The following CPA1 variants were observed in gnomAD, a reference collection of about 807,000 sequenced individuals.
CPA1 encodes carboxypeptidase A1.
CPA1 carries 42 observed loss-of-function variants against 48.7 expected under a neutral mutation model. That is an observed-to-expected ratio of 0.86 (90% CI 0.67 to 1.11). CPA1 has a LOEUF of 1.11. CPA1 is among the 50% of genes most tolerant of loss of function. CPA1 has a pLI of 0.00. For synonymous variants in CPA1, 203 were observed against 217.9 expected, an observed-to-expected ratio of 0.93 and a Z score of 0.60; for missense variants, 477 against 544.7, an observed-to-expected ratio of 0.88 and a Z score of 1.24.
intron 4 of CPA1, among the ~76,000 whole-genome samples, chr7:130,382,619 A>C (rs1211168768): frequency 5.2e-5 from 7 of 135,186 alleles, no homozygotes; most frequent in Admixed American, 1.6e-4. Context: ...ACGTGCCACC[A>C]TGCCCGGGTA....
intron 2 of CPA1, 39 bp downstream of exon 2, chr7:130,381,218 T>TA (rs782671976): frequency 1.3e-6 from 2 of 1,499,148 alleles, no homozygotes; most frequent in East Asian, 4.6e-5. Flanking sequence ...GGCCCCAGGG[T>TA]ATCAGCTGGG....
chr7:130,381,841 C>T lies in CPA1; in HGVS notation c.359C>T (p.Ala120Val). The change falls in exon 3 of 10, where the codon GCC becomes GTC. Residue 120 changes from alanine to valine, a missense_variant. Physicochemically the swap from Ala to Val is moderately conservative, Grantham distance 64. Coordinates refer to ENST00000011292, the MANE Select transcript of CPA1 (RefSeq NM_001868.4). The stretch of plus-strand genomic sequence containing the variant: ...CGCTCCACCGACACTTTTAACTACG[C>T]CACCTACCACACCCTGGAGGAGGTG... ...RARSTDTFNY[A>V]TYHTLEEIYD... 1.9e-6 allele frequency: 3 copies of T among 1,613,940 alleles called. No homozygotes were observed. Among genetic ancestry groups the T allele is most frequent in the South Asian group, 2.2e-5 (2 of 91,088 alleles).
intron 1 of CPA1, 196 bp from the exon 2 acceptor site, chr7:130,380,902 T>TAA (rs1163491914): frequency 4.9e-6 from 3 of 612,324 alleles, no homozygotes; most frequent in Non-Finnish European, 8.9e-6. Context: ...TAGAAGTTTC[T>TAA]AAAGATGGGG....
At chr7:130,381,942 C>T (rs1216014023) in intron 3 of CPA1, 79 bp downstream of exon 3, 1 of 1,385,024 alleles carries the variant, frequency 7.2e-7, no homozygotes, top group Non-Finnish European at 1.0e-6. Context: ...GGGCCAAGGC[C>T]AGGGCCAGCC....
intron 6 of CPA1, chr7:130,384,070 C>A: frequency 2.0e-6 from 1 of 508,772 alleles, no homozygotes; most frequent in Non-Finnish European, 3.5e-6. Context: ...TGGTGACAAC[C>A]AAAATGTCTT....
At chr7:130,386,315 G>A (rs1771090989) in intron 9 of CPA1, among the ~76,000 whole-genome samples, 1 of 151,960 alleles carries the variant, frequency 6.6e-6, no homozygotes, top group African/African-American at 2.4e-5. Flanking sequence ...GGCGGATCAC[G>A]AGGTCAGGAG....
Position 130,387,825 on chromosome 7 carries a change from T to C in CPA1, c.1074T>C (p.Tyr358=), listed in dbSNP as rs1554412211. 1 of 1,613,732 alleles carries C rather than the reference T, an allele frequency of 6.2e-7. No homozygotes were observed. Among genetic ancestry groups the C allele is most frequent in the Admixed American group, 1.7e-5 (1 of 59,928 alleles). ...FNYGSIIKAI[Y]QASGSTIDWT... ...TCTCCTATTTTACTCCTGCCCCAGA[T>C]CAAGCCAGTGGAAGCACTATTGACT... The change falls in exon 10 of 10, where the codon TAT becomes TAC. Residue 358 remains tyrosine (Y), a splice_region_variant and synonymous_variant. Coordinates refer to ENST00000011292, the MANE Select transcript of CPA1 (RefSeq NM_001868.4). This position sits in a 1 kb window ranked among gnomAD's most constrained non-coding sequence, Gnocchi z 4.6.
chr7:130,383,758 C>T lies in CPA1; in HGVS notation c.660C>T (p.Val220=), dbSNP rs550805841. 6.2e-6 allele frequency: 10 copies of T among 1,614,184 alleles called. No homozygotes were observed. In the African/African-American group the frequency reaches 1.2e-4, roughly 19 times the overall value. Residue 220 remains valine, a synonymous_variant, in exon 6 of 10, where the codon GTC becomes GTT. Transcript: ENST00000011292. ...CCTTGGACATCTTCCTGGAGATCGT[C>T]ACCAACCCTGATGGCTTTGCCTTCA... ...LDTLDIFLEI[V]TNPDGFAFTH...
chr7:130,385,812 G>C (rs781799934), intron 8 of CPA1, 27 bp from the exon 9 acceptor site: 1 of 1,601,532 alleles, frequency 6.2e-7, no homozygotes, highest in Non-Finnish European at 8.5e-7. Flanking sequence ...GGCCATGACA[G>C]GTGGCTTTGC....
chr7:130,381,704 G>C lies in CPA1; in HGVS notation c.222G>C (p.Ala74=). 6.2e-7 allele frequency: 1 copy of C among 1,614,108 alleles called. No individual in the cohort carries two copies. Among genetic ancestry groups the C allele is most frequent in the Non-Finnish European group, 8.5e-7 (1 of 1,180,010 alleles). ...DVRVPFPSIQ[A]VKIFLESHGI... is the part of the protein sequence containing the mutation. ...GAGTGCCCTTCCCCAGCATCCAGGC[G>C]GTCAAGATCTTTCTGGAGTCCCACG... Residue 74 remains alanine (A), a synonymous_variant, in exon 3 of 10, where the codon GCG becomes GCC. Transcript: ENST00000011292.
At chr7:130,381,553 G>T in intron 2 of CPA1, 77 bp from the exon 3 acceptor site, 1 of 1,087,428 alleles carries the variant, frequency 9.2e-7, no homozygotes, top group South Asian at 1.3e-5. Context: ...CCCCTCCCAC[G>T]CAGGCCCTGT....
In CPA1 at chr7:130,383,598, A is replaced by G. The variant is rs569001638; in HGVS notation, c.586-86A>G. ...GCCCATCCAGAAGCAGTGACCACAG[A>G]GGACATGGGGAAAGGTGTCCATTGC... On this transcript the variant is annotated intron_variant, in intron 5 of 9. Transcript: ENST00000011292. 21 of 1,414,860 alleles carry G rather than the reference A, an allele frequency of 1.5e-5. No individual in the cohort carries two copies. The South Asian group carries it at 2.6e-4, about 17-fold the overall frequency. The allele number at this position is 1,414,860 out of a possible 1,614,324, so 87.6% of individuals were successfully genotyped here.
In CPA1 at chr7:130,385,355, GAC is replaced by G. The variant is rs2117506173; in HGVS notation, c.987+11_987+12del. On this transcript the variant is annotated intron_variant, in intron 8 of 9. Transcript: ENST00000011292. The stretch of plus-strand genomic sequence containing the variant: ...TGACCAGGATGAGCTGGTAGGCACT[GAC>G]CTCGGCTTGCCCCCTCGTCCCCAAG... 1 of 1,613,882 alleles carries G rather than the reference GAC, an allele frequency of 6.2e-7. No individual in the cohort carries two copies. Among genetic ancestry groups the G allele is most frequent in the East Asian group, 2.2e-5 (1 of 44,876 alleles).
At chr7:130,383,944 T>TGATTGGC in intron 6 of CPA1, 150 bp downstream of exon 6, 1 of 664,128 alleles carries the variant, frequency 1.5e-6, no homozygotes, top group Non-Finnish European at 2.7e-6. Flanking sequence ...AACAGTGGCG[T>TGATTGGC]GATTGGCATT....
chr7:130,381,925 C>T (rs1035048426), intron 3 of CPA1, 62 bp downstream of exon 3: 8 of 1,490,552 alleles, frequency 5.4e-6, no homozygotes, highest in Non-Finnish European at 6.5e-6. Flanking sequence ...GCTGGTAGAA[C>T]GCGGTAGGGC....
intron 1 of CPA1, chr7:130,380,889 G>A (rs561296460): frequency 3.3e-5 from 20 of 608,520 alleles, no homozygotes; most frequent in South Asian, 1.8e-4. Context: ...TAGTAACAGC[G>A]TCTAGAAGTT....
In CPA1 at chr7:130,381,767, G is replaced by A. The variant is rs782095540; in HGVS notation, c.285G>A (p.Ser95=). The A allele has an allele frequency of 9.9e-6, 16 of 1,614,182 alleles. No homozygotes were observed. The highest frequency in any genetic ancestry group is 1.4e-5 in the Non-Finnish European group (16 of 1,180,028). The change falls in exon 3 of 10, where the codon TCG becomes TCA. Residue 95 remains serine (S), a synonymous_variant. Coordinates refer to ENST00000011292, the MANE Select transcript of CPA1 (RefSeq NM_001868.4). ...SYETMIEDVQ[S]LLDEEQEQMF... ...AGACCATGATCGAGGACGTGCAGTC[G>A]CTGCTGGACGAGGAGCAGGAGCAGA...
chr7:130,386,015 G>A, intron 9 of CPA1, 92 bp downstream of exon 9: 1 of 1,163,506 alleles, frequency 8.6e-7, no homozygotes, highest in South Asian at 1.3e-5. Context: ...GAAGGAAGTA[G>A]CCAAGGGCAC....
At chr7:130,386,885 G>A (rs1056773375) in intron 9 of CPA1, among the ~76,000 whole-genome samples, 3 of 152,192 alleles carry the variant, frequency 2.0e-5, no homozygotes, top group Admixed American at 2.0e-4. Flanking sequence ...GGTGGAGGTG[G>A]GGCAGGTGGG....
Sources: gnomAD v4.1 joint callset for allele counts (sites outside exome capture counted in the v4.1 genomes callset) on GRCh38, gnomAD v4.1.1 for gene constraint, Gnocchi (gnomAD v3.1) non-coding constraint, MANE v1.5 for transcripts, NCBI Gene and HGNC (gene_info 2026-07-23, HGNC 2026-07-21) for gene names.